Variants in YAP1 observed in about 807,000 individuals in gnomAD.
YAP1 encodes the protein transcriptional coactivator YAP1.
YAP1 carries 5 observed loss-of-function variants against 56.9 expected under a neutral mutation model. That is an observed-to-expected ratio of 0.09 (90% CI 0.05 to 0.18). YAP1 has a LOEUF of 0.18. Among genes scored for constraint, YAP1 ranks in the 10% least tolerant of loss-of-function variants. The pLI is 1.00. For missense variants in YAP1, 539 were observed against 651.8 expected (o/e 0.83, Z 1.88); for synonymous variants, 265 against 248.1 (o/e 1.07, Z -0.64).
chr11:102,188,309 G>C (rs1948093496), intron 4 of YAP1, among the ~76,000 whole-genome samples: 1 of 152,086 alleles, frequency 6.6e-6, no homozygotes, highest in African/African-American at 2.4e-5. Flanking sequence ...TTTGGCTTAA[G>C]TCAAGTAGAT....
intron 8 of YAP1, among the ~76,000 whole-genome samples, chr11:102,229,107 ATGT>A (rs1235524385): frequency 6.6e-6 from 1 of 152,318 alleles, no homozygotes; most frequent in South Asian, 2.1e-4. Flanking sequence ...AGGAGTGTTA[ATGT>A]TGTCATATGC....
chr11:102,131,318 A>G (rs1021485573), intron 2 of YAP1, among the ~76,000 whole-genome samples: 5 of 152,190 alleles, frequency 3.3e-5, no homozygotes, highest in Non-Finnish European at 5.9e-5. Flanking sequence ...ATAAACACCT[A>G]TGTAGTGGTT....
At chr11:102,155,402 G>A (rs1945882270) in intron 2 of YAP1, among the ~76,000 whole-genome samples, 1 of 152,074 alleles carries the variant, frequency 6.6e-6, no homozygotes, top group South Asian at 2.1e-4. Context: ...ATGTTTTGGG[G>A]CCCCTCCCCA....
At chr11:102,135,740 A>T (rs1426396) in intron 2 of YAP1, among the ~76,000 whole-genome samples, 7,819 of 152,298 alleles carry the variant, frequency 0.051, 257 homozygotes, top group Admixed American at 0.12. Context: ...ATAGTAAAAA[A>T]ATTGGTGGTC....
At chr11:102,206,107 T>C in intron 5 of YAP1, 33 bp downstream of exon 5, 1 of 1,582,412 alleles carries the variant, frequency 6.3e-7, no homozygotes, top group South Asian at 1.1e-5. Context: ...AGCCTTCCAC[T>C]TTTGGGGGTT....
intron 2 of YAP1, among the ~76,000 whole-genome samples, chr11:102,128,962 T>A (rs891904860): frequency 9.3e-6 from 1 of 108,092 alleles, no homozygotes; most frequent in Admixed American, 8.3e-5. Context: ...CCTCCCTCCC[T>A]CTCGCTTCCC....
At chr11:102,147,719 T>G (rs944619824) in intron 2 of YAP1, among the ~76,000 whole-genome samples, 1 of 152,212 alleles carries the variant, frequency 6.6e-6, no homozygotes, top group Middle Eastern at 3.2e-3. Context: ...ATCTTTTTTC[T>G]CCACCATTTT....
chr11:102,156,917 A>G (rs1029900619), intron 2 of YAP1, among the ~76,000 whole-genome samples: 1 of 152,140 alleles, frequency 6.6e-6, no homozygotes, highest in Non-Finnish European at 1.5e-5. Context: ...TTTTTTTGTC[A>G]ACATGTTTAA....
intron 7 of YAP1, among the ~76,000 whole-genome samples, chr11:102,224,601 A>C (rs1270636082): frequency 6.6e-6 from 1 of 152,226 alleles, no homozygotes; most frequent in East Asian, 1.9e-4. Flanking sequence ...TTGAATTGGA[A>C]ACTTAGTAAT....
At chr11:102,170,130 C>T (rs887329096) in intron 3 of YAP1, among the ~76,000 whole-genome samples, 1 of 152,162 alleles carries the variant, frequency 6.6e-6, no homozygotes, top group Non-Finnish European at 1.5e-5. Context: ...CCACTCGTGT[C>T]AGGGCAACTA....
intron 2 of YAP1, among the ~76,000 whole-genome samples, chr11:102,116,529 A>G (rs1325556201): frequency 6.6e-6 from 1 of 152,172 alleles, no homozygotes; most frequent in Non-Finnish European, 1.5e-5. Flanking sequence ...AAGGGTATAT[A>G]CCTTCCAACC....
At chr11:102,184,955 G>C (rs1348599373) in intron 3 of YAP1, among the ~76,000 whole-genome samples, 1 of 152,158 alleles carries the variant, frequency 6.6e-6, no homozygotes, top group African/African-American at 2.4e-5. Context: ...AGAATAAGTA[G>C]TACTACTGCT....
intron 7 of YAP1, among the ~76,000 whole-genome samples, chr11:102,224,871 CA>C (rs957952801): frequency 2.0e-4 from 31 of 152,188 alleles, no homozygotes; most frequent in Admixed American, 6.5e-4. Context: ...TTTTTTCCAA[CA>C]AGGAAAATTT....
intron 2 of YAP1, among the ~76,000 whole-genome samples, chr11:102,161,527 A>G (rs1946291996): frequency 6.6e-6 from 1 of 152,170 alleles, no homozygotes; most frequent in Non-Finnish European, 1.5e-5. Flanking sequence ...TCCATGTTTA[A>G]CCAATTCCCT....
At chr11:102,187,399 T>G (rs528747206) in intron 4 of YAP1, among the ~76,000 whole-genome samples, 1 of 152,300 alleles carries the variant, frequency 6.6e-6, no homozygotes, top group Non-Finnish European at 1.5e-5. Flanking sequence ...GTTAATAATT[T>G]GCAACTTCAG....
chr11:102,147,411 A>G lies in YAP1; in HGVS notation c.573-15045A>G, dbSNP rs143021113. Among the ~76,000 whole-genome samples, 936 of 152,346 alleles carry G rather than the reference A, an allele frequency of 6.1e-3. 10 individuals are homozygous for G. The highest frequency in any genetic ancestry group is 0.021 in the African/African-American group (893 of 41,584). On this transcript the variant is annotated intron_variant, in intron 2 of 8. Coordinates refer to ENST00000282441, the MANE Select transcript of YAP1 (RefSeq NM_001130145.3). ...TGTACATGCGGGAGTTTGAGGGCTA[A>G]TAAGATGATCTTTCTAGTCTTTTCT...
At chr11:102,199,478 A>C (rs1948737996) in intron 4 of YAP1, among the ~76,000 whole-genome samples, 1 of 152,306 alleles carries the variant, frequency 6.6e-6, no homozygotes, top group South Asian at 2.1e-4. Flanking sequence ...TAAGGATGAA[A>C]GTTTTAGCCA....
intron 6 of YAP1, among the ~76,000 whole-genome samples, chr11:102,212,678 G>A (rs531095045): frequency 1.3e-5 from 2 of 152,066 alleles, no homozygotes; most frequent in Non-Finnish European, 2.9e-5. Context: ...TCTGCCTCCC[G>A]GGTTCAAATG....
At chr11:102,212,945 C>G (rs915867494) in intron 6 of YAP1, among the ~76,000 whole-genome samples, 1 of 152,190 alleles carries the variant, frequency 6.6e-6, no homozygotes, top group Admixed American at 6.5e-5. Context: ...AAGCAATTTC[C>G]ATTCTCAGAA....
Sources: gnomAD v4.1 joint callset for allele counts (sites outside exome capture counted in the v4.1 genomes callset) on GRCh38, gnomAD v4.1.1 for gene constraint, MANE v1.5 for transcripts, NCBI Gene and HGNC (gene_info 2026-07-23, HGNC 2026-07-21) for gene names.